Variants in UTS2 observed in about 807,000 individuals in gnomAD.
The protein encoded by UTS2 is urotensin 2.
Under a neutral mutation model 12.6 loss-of-function variants are expected in UTS2, and 10 were observed. That is an observed-to-expected ratio of 0.80 (90% CI 0.49 to 1.35). The LOEUF (loss-of-function observed/expected upper bound fraction) is 1.35. UTS2 is among the 40% of genes most tolerant of loss of function. The probability of loss-of-function intolerance (pLI) is 0.00; values close to 1 mark genes in which losing one functional copy is unlikely to be tolerated. For synonymous variants in UTS2, 52 were observed against 50.0 expected (o/e 1.04, Z -0.17); for missense variants, 142 against 143.2 (o/e 0.99, Z 0.04).
At chr1:7,868,810 G>T in the UTS2 span, among the ~76,000 whole-genome samples, 3 of 152,212 alleles carry the variant, frequency 2.0e-5, no homozygotes, top group African/African-American at 7.2e-5. Flanking sequence ...GTATTTGCAG[G>T]TGGGGCTGTT....
chr1:7,909,363 G>A, the UTS2 span, among the ~76,000 whole-genome samples: 2 of 151,896 alleles, frequency 1.3e-5, no homozygotes. Context: ...TGGTTAACAT[G>A]GTGAAACCCC....
chr1:7,896,573 T>C, the UTS2 span, among the ~76,000 whole-genome samples: 35,664 of 152,100 alleles, frequency 0.23, 5,272 homozygotes, highest in East Asian at 0.66. Context: ...ATAAATTATT[T>C]TATTATGTAA....
At chr1:7,855,502 T>G (rs1638289609), upstream of UTS2, among the ~76,000 whole-genome samples, 1 of 152,082 alleles carries the variant, frequency 6.6e-6, no homozygotes, top group Non-Finnish European at 1.5e-5. Flanking sequence ...GAGGATAGCT[T>G]CAACCTGGGA....
the UTS2 span, among the ~76,000 whole-genome samples, chr1:7,863,040 ATTGTATTGTATTGTATT>A: frequency 8.2e-5 from 3 of 36,556 alleles, no homozygotes; most frequent in Middle Eastern, 0.011. Context: ...ATTGTATTGT[ATTGTATTGTATTGTATT>A]GTATTGTATT....
chr1:7,881,834 C>T, the UTS2 span, among the ~76,000 whole-genome samples: 9 of 151,978 alleles, frequency 5.9e-5, no homozygotes, highest in Non-Finnish European at 7.4e-5. Flanking sequence ...CAATGCTGAG[C>T]AAAAAGAACA....
upstream of UTS2, among the ~76,000 whole-genome samples, chr1:7,857,763 T>C (rs567052573): frequency 6.7e-6 from 1 of 149,084 alleles, no homozygotes; most frequent in African/African-American, 2.5e-5. Flanking sequence ...GGTGGGAGGA[T>C]CGCCTGAGCC....
At chr1:7,862,041 TA>T in the UTS2 span, among the ~76,000 whole-genome samples, 1 of 151,774 alleles carries the variant, frequency 6.6e-6, no homozygotes, top group African/African-American at 2.4e-5. Flanking sequence ...GTCTCCTAAG[TA>T]GCTGGGATTA....
chr1:7,852,381 A>G (rs978034811), intron 1 of UTS2, among the ~76,000 whole-genome samples: 1 of 152,200 alleles, frequency 6.6e-6, no homozygotes, highest in Admixed American at 6.5e-5. Flanking sequence ...GAAACGATCA[A>G]TATACTTGGA....
At chr1:7,890,964 T>TCCCCCCCCC in the UTS2 span, among the ~76,000 whole-genome samples, 1 of 82,942 alleles carries the variant, frequency 1.2e-5, no homozygotes, top group Non-Finnish European at 2.7e-5. Flanking sequence ...TGTGATACCC[T>TCCCCCCCCC]CCACCCCCCC....
chr1:7,911,717 C>T, the UTS2 span, among the ~76,000 whole-genome samples: 409 of 152,252 alleles, frequency 2.7e-3, 4 homozygotes, highest in African/African-American at 9.5e-3. Flanking sequence ...GCCTGGCCAA[C>T]ATGGCGAAAC....
chr1:7,864,817 C>T, the UTS2 span, among the ~76,000 whole-genome samples: 35 of 152,352 alleles, frequency 2.3e-4, 1 homozygote, highest in Non-Finnish European at 4.3e-4. Context: ...ACTAACCTAC[C>T]TTTTGTCAGT....
At chr1:7,911,125 C>T in the UTS2 span, among the ~76,000 whole-genome samples, 1 of 152,120 alleles carries the variant, frequency 6.6e-6, no homozygotes, top group Non-Finnish European at 1.5e-5. Flanking sequence ...AGACGGCTAT[C>T]AGACCGCAAA....
At chr1:7,893,942 T>A in the UTS2 span, among the ~76,000 whole-genome samples, 14 of 152,044 alleles carry the variant, frequency 9.2e-5, no homozygotes, top group Admixed American at 6.6e-4. Flanking sequence ...AACCGTAGAG[T>A]GAGTCAGAGG....
chr1:7,901,525 T>C, the UTS2 span, among the ~76,000 whole-genome samples: 1 of 152,204 alleles, frequency 6.6e-6, no homozygotes, highest in Non-Finnish European at 1.5e-5. Flanking sequence ...TATGTATACA[T>C]GTATATGCTA....
the UTS2 span, among the ~76,000 whole-genome samples, chr1:7,881,395 G>C: frequency 6.6e-6 from 1 of 152,028 alleles, no homozygotes; most frequent in Admixed American, 6.6e-5. Context: ...AAAATCTAAA[G>C]ACTTCACCAA....
At chr1:7,853,104 T>C (rs2097415862), upstream of UTS2, 2 of 1,491,564 alleles carry the variant, frequency 1.3e-6, no homozygotes, top group African/African-American at 1.4e-5. Context: ...TATCATCCTA[T>C]GACCTGACAT....
At chr1:7,857,761 G>A (rs1638343402), upstream of UTS2, among the ~76,000 whole-genome samples, 1 of 150,328 alleles carries the variant, frequency 6.7e-6, no homozygotes, top group South Asian at 2.1e-4. Context: ...GAGGTGGGAG[G>A]ATCGCCTGAG....
intron 1 of UTS2, 108 bp from the exon 2 acceptor site, chr1:7,851,030 A>G (rs1367267226): frequency 3.8e-6 from 4 of 1,040,502 alleles, no homozygotes; most frequent in South Asian, 1.3e-5. Flanking sequence ...ACACTAGAAA[A>G]ACTTCCAACG....
At chr1:7,863,056 TTG>T in the UTS2 span, among the ~76,000 whole-genome samples, 47 of 73,830 alleles carry the variant, frequency 6.4e-4, no homozygotes, top group African/African-American at 2.2e-3. Context: ...TTGTATTGTA[TTG>T]TATTGTATTG....
Sources: allele counts gnomAD v4.1 joint callset (sites outside exome capture counted in the v4.1 genomes callset), GRCh38; gene constraint gnomAD v4.1.1; transcripts MANE v1.5; gene names NCBI Gene and HGNC (gene_info 2026-07-23, HGNC 2026-07-21).